SRPK2: variants seen among roughly 807,000 people sequenced by gnomAD.
SRPK2 encodes the protein SRSF protein kinase 2, also known as SFRS protein kinase 2.
A neutral mutation model predicts 90.8 loss-of-function variants in SRPK2; 21 were observed. The ratio of observed to expected loss-of-function variants is 0.23; its 90% CI spans 0.16 to 0.33. The LOEUF (loss-of-function observed/expected upper bound fraction) is 0.33, where lower values mean the gene tolerates loss of function less well. SRPK2 is among the 10% of genes least tolerant of loss of function. The pLI, the probability that SRPK2 is intolerant of heterozygous loss-of-function variation, is 1.00. For synonymous variants in SRPK2, 288 were observed against 311.1 expected (o/e 0.93, Z 0.78); for missense variants, 620 against 869.0 (o/e 0.71, Z 3.60).
intron 8 of SRPK2, 43 bp from the exon 9 acceptor site, chr7:105,145,351 A>G: frequency 2.0e-6 from 3 of 1,480,220 alleles, no homozygotes; most frequent in Non-Finnish European, 2.8e-6. Context: ...CAGAAAACAG[A>G]CACATGCCTT....
At position 105,154,842 on chromosome 7, in the gene SRPK2, T is replaced by G. The variant is rs577199790; in HGVS notation, c.621+5665A>C. Among the ~76,000 whole-genome samples, 3 of 150,996 alleles carry G rather than the reference T, an allele frequency of 2.0e-5. No homozygotes were observed. In the East Asian group the frequency reaches 5.8e-4, roughly 29 times the overall value. The stretch of plus-strand genomic sequence containing the variant: ...AGCACGTGCCACCACACCCAGCTAA[T>G]TTTTGTATTTTTAGTAGAGATGGGG... On this transcript the variant is annotated intron_variant, in intron 7 of 15. Coordinates refer to ENST00000393651, the MANE Select transcript of SRPK2 (RefSeq NM_182692.3).
At chr7:105,325,646 C>T (rs1368357523) in intron 2 of SRPK2, among the ~76,000 whole-genome samples, 1 of 151,652 alleles carries the variant, frequency 6.6e-6, no homozygotes, top group Non-Finnish European at 1.5e-5. Context: ...TCGCTCCAGC[C>T]CAGGAGTTCA....
At chr7:105,233,168 G>A (rs182846766) in intron 2 of SRPK2, among the ~76,000 whole-genome samples, 5 of 150,612 alleles carry the variant, frequency 3.3e-5, no homozygotes, top group Admixed American at 1.3e-4. Context: ...GGGAAGGAAG[G>A]AGTTTAATGA....
At position 105,357,776 on chromosome 7, in the gene SRPK2, C is replaced by CAA. The variant is rs80069695; in HGVS notation, c.71+30870_71+30871dup. 4.6e-5 allele frequency among the ~76,000 whole-genome samples: 7 copies of CAA among 151,268 alleles called. No homozygotes were observed. In the East Asian group the frequency reaches 1.2e-3, roughly 25 times the overall value. Reference sequence around the variant, plus strand: ...CAAAAAAAACAATAACAAAACAAAACAAAAAAAAGATTCAAAGATAAATGA... The same window carrying CAA: ...CAAAAAAAACAATAACAAAACAAAACAAAAAAAAAAGATTCAAAGATAAATGA... On this transcript the variant is annotated intron_variant, in intron 2 of 15. Coordinates refer to ENST00000393651, the MANE Select transcript of SRPK2 (RefSeq NM_182692.3).
chr7:105,323,208 T>C (rs535342887), intron 2 of SRPK2, among the ~76,000 whole-genome samples: 1 of 152,098 alleles, frequency 6.6e-6, no homozygotes, highest in Non-Finnish European at 1.5e-5. Context: ...AAAAAAGTCC[T>C]ACAAAAAGAA....
intron 2 of SRPK2, among the ~76,000 whole-genome samples, chr7:105,319,015 G>C (rs1812609381): frequency 6.6e-6 from 1 of 152,088 alleles, no homozygotes; most frequent in Non-Finnish European, 1.5e-5. Flanking sequence ...ATATTTTCAA[G>C]TAAAACAAGA....
rs1197226395 is a variant in SRPK2, at chr7:105,136,602, CA to C, written c.1544-3499del. On this transcript the variant is annotated intron_variant, in intron 11 of 15. Transcript: ENST00000393651. ...GGTGACACTGTGGTCACTCATTCCA[CA>C]AGAAGCTATCCTAGGAACTATTAGA... Among the ~76,000 whole-genome samples, 3 of 152,310 alleles carry C rather than the reference CA, an allele frequency of 2.0e-5. No homozygotes were observed. The East Asian group carries it at 5.8e-4, about 29-fold the overall frequency.
intron 2 of SRPK2, chr7:105,297,512 CCAT>C: frequency 1.0e-6 from 1 of 985,300 alleles, no homozygotes. Context: ...ATCCTACAGC[CCAT>C]CGCCTTGGTT....
chr7:105,115,221 A>G (rs562482486), downstream of SRPK2: 8 of 152,360 alleles, frequency 5.3e-5, no homozygotes, highest in African/African-American at 1.7e-4. Context: ...GAATTTAGGA[A>G]ATAACCTGAA....
chr7:105,215,424 C>T (rs4730073), intron 2 of SRPK2, among the ~76,000 whole-genome samples: 7 of 152,038 alleles, frequency 4.6e-5, no homozygotes, highest in Non-Finnish European at 1.5e-5. Flanking sequence ...CCAGTTTGGA[C>T]AACAGTCTAG....
intron 2 of SRPK2, among the ~76,000 whole-genome samples, chr7:105,251,898 G>T (rs1002183173): frequency 3.3e-5 from 5 of 152,170 alleles, no homozygotes; most frequent in African/African-American, 1.2e-4. Flanking sequence ...GCTTGAGGGG[G>T]AAGAAGGAGC....
intron 2 of SRPK2, among the ~76,000 whole-genome samples, chr7:105,331,323 A>AAAAAAAAAAC (rs1814332339): frequency 7.6e-6 from 1 of 131,734 alleles, no homozygotes; most frequent in African/African-American, 2.7e-5. Context: ...AAAAAAAAAA[A>AAAAAAAAAAC]AAAAAAAAAA....
chr7:105,380,399 C>T (rs910449992), intron 2 of SRPK2, among the ~76,000 whole-genome samples: 3 of 152,070 alleles, frequency 2.0e-5, no homozygotes, highest in Admixed American at 6.6e-5. Context: ...AAGATCAATG[C>T]ACTTTACATA....
At chr7:105,195,441 T>C (rs10281886) in intron 3 of SRPK2, among the ~76,000 whole-genome samples, 45,886 of 152,212 alleles carry the variant, frequency 0.3, 7,224 homozygotes, top group Non-Finnish European at 0.34. Context: ...GGATTTTTGG[T>C]AATATTTTGA....
chr7:105,166,108 A>G (rs143279861), intron 6 of SRPK2, among the ~76,000 whole-genome samples: 3 of 152,348 alleles, frequency 2.0e-5, no homozygotes, highest in African/African-American at 7.2e-5. Flanking sequence ...ACCTACACTT[A>G]TAGCTGACCA....
chr7:105,382,552 C>CAAAA (rs71152969), intron 2 of SRPK2, among the ~76,000 whole-genome samples: 14 of 75,900 alleles, frequency 1.8e-4, no homozygotes, highest in South Asian at 5.3e-4. Flanking sequence ...AACTCCATCT[C>CAAAA]AAAAAAAAAA....
chr7:105,135,510 T>C (rs1424050511), intron 11 of SRPK2, among the ~76,000 whole-genome samples: 1 of 152,180 alleles, frequency 6.6e-6, no homozygotes, highest in Admixed American at 6.5e-5. Context: ...ATAGGTCTAA[T>C]GAGAAGAGGG....
intron 2 of SRPK2, chr7:105,206,664 G>A (rs1796269318): frequency 6.6e-6 from 1 of 152,188 alleles, no homozygotes; most frequent in Non-Finnish European, 1.5e-5. Flanking sequence ...CACCAGCCAC[G>A]TGGGGTTATC....
intron 3 of SRPK2, among the ~76,000 whole-genome samples, chr7:105,170,591 G>A (rs1454475112): frequency 2.0e-5 from 3 of 151,488 alleles, no homozygotes; most frequent in African/African-American, 4.9e-5. Flanking sequence ...CTACTCGGGA[G>A]GCTGATGAAG....
Sources: allele counts gnomAD v4.1 joint callset (sites outside exome capture counted in the v4.1 genomes callset), GRCh38; gene constraint gnomAD v4.1.1; transcripts MANE v1.5; gene names NCBI Gene and HGNC (gene_info 2026-07-23, HGNC 2026-07-21).